TPRG1: variants seen among roughly 807,000 people sequenced by gnomAD.
TPRG1 encodes tumor protein p63-regulated gene 1 protein.
Under a neutral mutation model 29.3 loss-of-function variants are expected in TPRG1, and 29 were observed. That is an observed-to-expected ratio of 0.99 (90% confidence interval 0.74 to 1.35). TPRG1 has a LOEUF of 1.35. TPRG1 is among the 40% of genes most tolerant of loss of function. The pLI, the probability that TPRG1 is intolerant of heterozygous loss-of-function variation, is 0.00. For missense variants in TPRG1, 327 were observed against 335.0 expected, an observed-to-expected ratio of 0.98 and a Z score of 0.19; for synonymous variants, 130 against 116.8, an observed-to-expected ratio of 1.11 and a Z score of -0.73.
Position 189,010,400 on chromosome 3 carries a change from AACAGT to A in TPRG1, c.-660+5641_-660+5645del, listed in dbSNP as rs560445060. ...GGCTGAGCTAATTCACACTCCTACC[AACAGT>A]GTATAAGCATTACTTTTTCTCCACA... On this transcript the variant is annotated intron_variant, in intron 3 of 10. Transcript: ENST00000433971. Among the ~76,000 whole-genome samples the A allele has an allele frequency of 9.9e-4, 151 of 152,318 alleles. 1 individual carries two copies. Among genetic ancestry groups the A allele is most frequent in the African/African-American group, 3.5e-3 (144 of 41,576 alleles).
In TPRG1 at chr3:189,325,182, C is replaced by T. The variant is rs551923692; in HGVS notation, c.*4362C>T. Reference sequence around the variant, plus strand: ...ATCCACAAAAAGGAATTATGATATCCTCTGCTAAACCCTCTCTTTAGCCTC... The same window carrying T: ...ATCCACAAAAAGGAATTATGATATCTTCTGCTAAACCCTCTCTTTAGCCTC... On this transcript the variant is annotated 3_prime_UTR_variant, in exon 6 of 6. Transcript: ENST00000345063. 4 of 151,862 alleles carry T rather than the reference C, an allele frequency of 2.6e-5. No individual in the cohort carries two copies. The East Asian group carries it at 5.8e-4, about 22-fold the overall frequency. 9.4% of individuals were successfully genotyped at this position (151,862 alleles called of 1,614,324 possible). A position where few individuals can be genotyped will look rare whatever the true frequency, so the allele number is the denominator to read the frequency against.
At chr3:189,007,036 A>G (rs1712327569) in intron 3 of TPRG1, among the ~76,000 whole-genome samples, 1 of 152,080 alleles carries the variant, frequency 6.6e-6, no homozygotes, top group Non-Finnish European at 1.5e-5. Flanking sequence ...AAAAGACAAA[A>G]TTGACAAATG....
At chr3:189,200,362 A>C (rs138611769) in intron 1 of TPRG1, among the ~76,000 whole-genome samples, 1 of 152,358 alleles carries the variant, frequency 6.6e-6, no homozygotes, top group Non-Finnish European at 1.5e-5. Context: ...TATCCACCGC[A>C]CATCCCTCGG....
At chr3:189,187,454 C>T (rs947084918) in intron 1 of TPRG1, among the ~76,000 whole-genome samples, 4 of 150,030 alleles carry the variant, frequency 2.7e-5, no homozygotes, top group Admixed American at 6.7e-5. Context: ...TTACAGACCC[C>T]GCCACCACGC....
In TPRG1 at chr3:189,017,943, C is replaced by G. The variant is rs1405778987; in HGVS notation, c.-659-5807C>G. ...CATTCTAACTGGTGTGAGATGGTAT[C>G]TCATTGTGGTTTTGATTTGCATTTC... On this transcript the variant is annotated intron_variant, in intron 3 of 10. Transcript: ENST00000433971. Among the ~76,000 whole-genome samples, 5 of 147,920 alleles carry G rather than the reference C, an allele frequency of 3.4e-5. No homozygotes were observed. The East Asian group carries it at 9.9e-4, about 29-fold the overall frequency.
At chr3:189,030,189 T>G (rs1713859905) in intron 4 of TPRG1, among the ~76,000 whole-genome samples, 1 of 152,192 alleles carries the variant, frequency 6.6e-6, no homozygotes, top group South Asian at 2.1e-4. Flanking sequence ...ATTTTCTAGA[T>G]GTGGGCGACT....
chr3:189,007,000 T>C (rs1301360415), intron 3 of TPRG1, among the ~76,000 whole-genome samples: 1 of 152,096 alleles, frequency 6.6e-6, no homozygotes. Flanking sequence ...GGACTTCATG[T>C]GCAAAACACC....
At chr3:189,291,597 C>T (rs1414430370) in intron 4 of TPRG1, among the ~76,000 whole-genome samples, 1 of 152,134 alleles carries the variant, frequency 6.6e-6, no homozygotes, top group East Asian at 1.9e-4. Flanking sequence ...TTAGTTTTCA[C>T]ACTAATTTTT....
At chr3:189,310,219 T>C in intron 4 of TPRG1, 167 bp from the exon 5 acceptor site, 2 of 478,862 alleles carry the variant, frequency 4.2e-6, no homozygotes, top group Non-Finnish European at 7.0e-6. Context: ...CACCTTGAAT[T>C]TCCTATTTTT....
chr3:189,094,910 C>G (rs1252287428), intron 4 of TPRG1, among the ~76,000 whole-genome samples: 1 of 152,136 alleles, frequency 6.6e-6, no homozygotes, highest in Non-Finnish European at 1.5e-5. Context: ...CCCATCCATC[C>G]TGGAGGAGCA....
chr3:189,273,845 A>G (rs954815848), intron 4 of TPRG1, among the ~76,000 whole-genome samples: 6 of 152,180 alleles, frequency 3.9e-5, no homozygotes, highest in African/African-American at 2.4e-5. Context: ...CTCAACAATC[A>G]TTAAATGAAA....
At chr3:189,214,192 A>G (rs1156761923) in intron 2 of TPRG1, among the ~76,000 whole-genome samples, 1 of 152,250 alleles carries the variant, frequency 6.6e-6, no homozygotes, top group Non-Finnish European at 1.5e-5. Context: ...AGTGCCTGGC[A>G]TAAAAGCATT....
intron 4 of TPRG1, chr3:189,309,843 T>A (rs912595373): frequency 2.6e-5 from 4 of 152,266 alleles, no homozygotes; most frequent in Non-Finnish European, 5.9e-5. Flanking sequence ...CTGAATGGAA[T>A]GTGTGCAGAG....
At position 189,069,920 on chromosome 3, in the gene TPRG1, A is replaced by C. The variant is rs77152541; in HGVS notation, c.-463+45974A>C. 6.1e-3 allele frequency among the ~76,000 whole-genome samples: 922 copies of C among 152,184 alleles called. 12 individuals carry two copies. Among genetic ancestry groups the C allele is most frequent in the African/African-American group, 0.02 (824 of 41,526 alleles). On this transcript the variant is annotated intron_variant, in intron 4 of 10. Transcript: ENST00000433971. Reference sequence around the variant, plus strand: ...TGGTGAAACCCTGTCTCCACTAAAAACACAAAAATTAGCTGGATGTGGTGG... The same window carrying C: ...TGGTGAAACCCTGTCTCCACTAAAACCACAAAAATTAGCTGGATGTGGTGG...
chr3:189,105,006 ACT>A (rs541521488), intron 1 of TPRG1, among the ~76,000 whole-genome samples: 6 of 151,842 alleles, frequency 4.0e-5, no homozygotes, highest in Non-Finnish European at 8.8e-5. Context: ...CCCTAACCAA[ACT>A]CTTTCTTCTA....
In TPRG1 at chr3:189,320,944, A is replaced by G. The variant is rs188727847; in HGVS notation, c.*124A>G. On this transcript the variant is annotated 3_prime_UTR_variant, in exon 6 of 6. Coordinates refer to ENST00000345063, the MANE Select transcript of TPRG1 (RefSeq NM_198485.4). ...TTTAAATGACGCTTTATGATTTAGA[A>G]ATTTAGTATTTCCGAAAATTTAAAA... is the stretch of plus-strand genomic sequence containing the variant. The G allele has an allele frequency of 4.0e-4, 388 of 967,562 alleles. No homozygotes were observed. Among genetic ancestry groups the G allele is most frequent in the Non-Finnish European group, 5.0e-4 (343 of 689,608 alleles). 59.9% of individuals were successfully genotyped at this position (967,562 alleles called of 1,614,324 possible). A position where few individuals can be genotyped will look rare whatever the true frequency, so the allele number is the denominator to read the frequency against.
At chr3:189,030,890 A>C (rs1713896511) in intron 4 of TPRG1, among the ~76,000 whole-genome samples, 2 of 152,254 alleles carry the variant, frequency 1.3e-5, no homozygotes, top group African/African-American at 4.8e-5. Context: ...TCACACAGCC[A>C]GTAAAAGACA....
rs537173507 is a variant in TPRG1 at position 189,070,374 on chromosome 3, T to C, written c.-463+46428T>C. Among the ~76,000 whole-genome samples, 10 of 152,252 alleles carry C rather than the reference T, an allele frequency of 6.6e-5. No homozygotes were observed. In the East Asian group the frequency reaches 1.9e-3, roughly 29 times the overall value. Reference sequence around the variant, plus strand: ...CTGTGGTGATGGCTATATGAACCTATACATGTAATAAAATTGAATAGAACT... The same window carrying C: ...CTGTGGTGATGGCTATATGAACCTACACATGTAATAAAATTGAATAGAACT... On this transcript the variant is annotated intron_variant, in intron 4 of 10. Transcript: ENST00000433971.
intron 4 of TPRG1, among the ~76,000 whole-genome samples, chr3:189,281,201 A>G (rs1717068906): frequency 6.6e-6 from 1 of 152,244 alleles, no homozygotes; most frequent in South Asian, 2.1e-4. Context: ...TGCTTCAAGG[A>G]AACACAGCTA....
Sources: gnomAD v4.1 joint callset for allele counts (sites outside exome capture counted in the v4.1 genomes callset) on GRCh38, gnomAD v4.1.1 for gene constraint, MANE v1.5 for transcripts, NCBI Gene and HGNC (gene_info 2026-07-23, HGNC 2026-07-21) for gene names.